ATF2: variants seen among roughly 807,000 people sequenced by gnomAD.
ATF2 encodes activating transcription factor 2.
In ATF2, 24 loss-of-function variants were observed where a neutral mutation model predicts 60.6. The ratio of observed to expected loss-of-function variants is 0.40; its 90% CI spans 0.29 to 0.56. The LOEUF (loss-of-function observed/expected upper bound fraction) is 0.56. Among genes scored for constraint, ATF2 ranks in the 20% least tolerant of loss-of-function variants. The pLI is 0.54. For missense variants in ATF2, 433 were observed against 607.7 expected (o/e 0.71, Z 3.02); for synonymous variants, 206 against 215.4 (o/e 0.96, Z 0.38).
intron 13 of ATF2, among the ~76,000 whole-genome samples, chr2:175,076,568 C>T (rs144768586): frequency 2.6e-5 from 4 of 152,030 alleles, no homozygotes; most frequent in Non-Finnish European, 4.4e-5. Context: ...CCTTCACCCC[C>T]CTACTTTTCT....
intron 4 of ATF2, among the ~76,000 whole-genome samples, chr2:175,123,607 G>A (rs189681953): frequency 4.7e-4 from 71 of 152,110 alleles, no homozygotes; most frequent in African/African-American, 1.5e-3. Flanking sequence ...CAAAACATAC[G>A]AAATGGCACC....
intron 1 of ATF2, among the ~76,000 whole-genome samples, chr2:175,153,817 GC>G (rs1307097690): frequency 7.9e-6 from 1 of 126,418 alleles, no homozygotes; most frequent in Non-Finnish European, 1.6e-5. Flanking sequence ...GGGCGACAGA[GC>G]GAGACTCTGC....
At chr2:175,081,295 T>C (rs1024297482) in intron 12 of ATF2, among the ~76,000 whole-genome samples, 1 of 152,164 alleles carries the variant, frequency 6.6e-6, no homozygotes, top group Admixed American at 6.6e-5. Context: ...TGCTGGACAC[T>C]GAAACCAATG....
At chr2:175,159,025 A>AT (rs1699854493) in intron 1 of ATF2, among the ~76,000 whole-genome samples, 1 of 152,100 alleles carries the variant, frequency 6.6e-6, no homozygotes. Flanking sequence ...TGACTTTTAG[A>AT]TAAGAGTTTT....
At chr2:175,144,904 T>C (rs7561013) in intron 2 of ATF2, among the ~76,000 whole-genome samples, 2,116 of 152,236 alleles carry the variant, frequency 0.014, 47 homozygotes, top group African/African-American at 0.048. Flanking sequence ...GGTGAGTGCC[T>C]AATGGCACCA....
intron 10 of ATF2, among the ~76,000 whole-genome samples, chr2:175,104,470 G>A (rs186237076): frequency 2.6e-5 from 4 of 152,196 alleles, no homozygotes; most frequent in Admixed American, 6.5e-5. Context: ...GGCAGGGTGG[G>A]GGGGGCGGTG....
At position 175,144,109 on chromosome 2, in the gene ATF2, T is replaced by TA. The variant is rs1192615666; in HGVS notation, c.-44+6950_-44+6951insT. 9.4e-4 allele frequency among the ~76,000 whole-genome samples: 143 copies of TA among 151,488 alleles called. 1 individual carries two copies. Among genetic ancestry groups the TA allele is most frequent in the Middle Eastern group, 3.5e-3 (1 of 286 alleles). On this transcript the variant is annotated intron_variant, in intron 2 of 13. Transcript: ENST00000264110. ...GCACCTGATTCTTTGCCCATTTTTT[T>TA]TAAAAAAAAATGTTAGTTAAAATTC...
chr2:175,087,502 T>C (rs930808674), intron 12 of ATF2, among the ~76,000 whole-genome samples: 3 of 152,204 alleles, frequency 2.0e-5, no homozygotes, highest in African/African-American at 7.2e-5. Flanking sequence ...GCTGAAATCA[T>C]CACACGATAG....
chr2:175,144,002 C>A (rs1017820088), intron 2 of ATF2, among the ~76,000 whole-genome samples: 1 of 152,122 alleles, frequency 6.6e-6, no homozygotes, highest in Non-Finnish European at 1.5e-5. Flanking sequence ...CTATGTTTCC[C>A]AGGCTGATCT....
chr2:175,118,509 A>G, intron 5 of ATF2, 140 bp from the exon 6 acceptor site: 1 of 684,938 alleles, frequency 1.5e-6, no homozygotes, highest in South Asian at 2.1e-5. Flanking sequence ...CCTTTAAAAC[A>G]AACAAAATTT....
chr2:175,090,189 C>T (rs1214157664), intron 12 of ATF2, among the ~76,000 whole-genome samples: 2 of 152,082 alleles, frequency 1.3e-5, no homozygotes, highest in Admixed American at 6.6e-5. Context: ...TTCTCCCTCC[C>T]CCATTAATAT....
At chr2:175,122,161 C>T (rs1697001471) in intron 4 of ATF2, among the ~76,000 whole-genome samples, 1 of 151,864 alleles carries the variant, frequency 6.6e-6, no homozygotes, top group African/African-American at 2.4e-5. Flanking sequence ...AGAGTTCTTA[C>T]ATAAAAATGG....
intron 10 of ATF2, among the ~76,000 whole-genome samples, chr2:175,110,690 G>A (rs988522519): frequency 3.3e-5 from 5 of 151,942 alleles, no homozygotes; most frequent in Non-Finnish European, 7.4e-5. Flanking sequence ...CTGCAACCTC[G>A]GCCTCCCGGG....
At chr2:175,108,207 C>G (rs1048295078) in intron 10 of ATF2, among the ~76,000 whole-genome samples, 1 of 151,802 alleles carries the variant, frequency 6.6e-6, no homozygotes, top group Non-Finnish European at 1.5e-5. Context: ...TGAGGAGCCC[C>G]GCCGCCCGGC....
At chr2:175,140,036 A>G (rs1006742106) in intron 2 of ATF2, among the ~76,000 whole-genome samples, 2 of 152,254 alleles carry the variant, frequency 1.3e-5, no homozygotes, top group African/African-American at 4.8e-5. Context: ...TGAGAAAAAA[A>G]TAACAAAATA....
chr2:175,087,399 A>ACTG (rs1553501890), intron 12 of ATF2, among the ~76,000 whole-genome samples: 1 of 152,092 alleles, frequency 6.6e-6, no homozygotes, highest in African/African-American at 2.4e-5. Flanking sequence ...TATCTCTACC[A>ACTG]CCGCTCCACT....
intron 10 of ATF2, among the ~76,000 whole-genome samples, chr2:175,101,165 G>C (rs1695284684): frequency 6.6e-6 from 1 of 152,084 alleles, no homozygotes; most frequent in African/African-American, 2.4e-5. Context: ...AGGAAATTAG[G>C]ACCCTAATTG....
At position 175,079,226 on chromosome 2, in the gene ATF2, A is replaced by G. The variant is rs543150411; in HGVS notation, c.1291+1434T>C. Among the ~76,000 whole-genome samples, 5 of 152,298 alleles carry G rather than the reference A, an allele frequency of 3.3e-5. No homozygotes were observed. In the South Asian group the frequency reaches 1.0e-3, roughly 32 times the overall value. On this transcript the variant is annotated intron_variant, in intron 13 of 13. Coordinates refer to ENST00000264110, the MANE Select transcript of ATF2 (RefSeq NM_001880.4). ...TGTTGGGATTATCTAATAAATTATC[A>G]AAGATTTAAAAATTACAGGTAATTC...
At chr2:175,102,090 T>C (rs1695352251) in intron 10 of ATF2, among the ~76,000 whole-genome samples, 1 of 152,054 alleles carries the variant, frequency 6.6e-6, no homozygotes, top group Non-Finnish European at 1.5e-5. Context: ...AAAAAATCAA[T>C]GAAAACAAAT....
Sources: allele counts gnomAD v4.1 joint callset (sites outside exome capture counted in the v4.1 genomes callset), GRCh38; gene constraint gnomAD v4.1.1; transcripts MANE v1.5; gene names NCBI Gene and HGNC (gene_info 2026-07-23, HGNC 2026-07-21).